The following EYA4 variants were observed in gnomAD, a reference collection of about 807,000 sequenced individuals.
The protein encoded by EYA4 is protein phosphatase EYA4.
In EYA4, 31 loss-of-function variants were observed where a neutral mutation model predicts 87.9. The ratio of observed to expected loss-of-function variants is 0.35; its 90% CI spans 0.27 to 0.48. The LOEUF (loss-of-function observed/expected upper bound fraction) is 0.48, where lower values mean the gene tolerates loss of function less well. Among genes scored for constraint, EYA4 ranks in the 20% least tolerant of loss-of-function variants. The pLI, the probability that EYA4 is intolerant of heterozygous loss-of-function variation, is 0.99. For missense variants in EYA4, 678 were observed against 761.4 expected, an observed-to-expected ratio of 0.89 and a Z score of 1.29; for synonymous variants, 263 against 270.6, an observed-to-expected ratio of 0.97 and a Z score of 0.28.
chr6:133,331,032 T>TTC (rs1562297250), intron 2 of EYA4, among the ~76,000 whole-genome samples: 3 of 150,318 alleles, frequency 2.0e-5, no homozygotes. Flanking sequence ...AACGGGTTTT[T>TTC]TTTTTTTTTT....
rs375070311 is a variant in EYA4 at position 133,485,404 on chromosome 6, C to G, written c.1191+2289C>G. ...GATGCGCCAGGCAGGAAGCATCCCA[C>G]AGGATGAAGGGGTAGGCTGTTCTCT... On this transcript the variant is annotated intron_variant, in intron 13 of 19. Transcript: ENST00000355286. 5.9e-5 allele frequency among the ~76,000 whole-genome samples: 9 copies of G among 152,202 alleles called. No homozygotes were observed. In the East Asian group the frequency reaches 7.8e-4, roughly 13 times the overall value.
intron 2 of EYA4, among the ~76,000 whole-genome samples, chr6:133,351,014 G>A (rs1480798673): frequency 6.6e-6 from 1 of 152,098 alleles, no homozygotes; most frequent in Non-Finnish European, 1.5e-5. Flanking sequence ...TGCATGACAA[G>A]TAACATTTTA....
chr6:133,482,505 A>G (rs1035360928), intron 12 of EYA4, among the ~76,000 whole-genome samples: 4 of 152,318 alleles, frequency 2.6e-5, no homozygotes, highest in South Asian at 2.1e-4. Context: ...TTTGTGGGCA[A>G]TTGCCTAGTT....
At chr6:133,461,794 GA>G (rs1308361600) in intron 7 of EYA4, among the ~76,000 whole-genome samples, 1 of 144,236 alleles carries the variant, frequency 6.9e-6, no homozygotes, top group African/African-American at 2.5e-5. Context: ...GTGGCATGAT[GA>G]AAGGAATGAT....
At chr6:133,390,502 G>A (rs1308274173) in intron 3 of EYA4, among the ~76,000 whole-genome samples, 2 of 152,154 alleles carry the variant, frequency 1.3e-5, no homozygotes, top group South Asian at 2.1e-4. Context: ...GATTACAGGC[G>A]TGAGCCACTG....
intron 2 of EYA4, among the ~76,000 whole-genome samples, chr6:133,285,779 C>A (rs1778009078): frequency 6.6e-6 from 1 of 152,042 alleles, no homozygotes; most frequent in Admixed American, 6.5e-5. Context: ...AGATGACTTG[C>A]TAATGTATGG....
intron 2 of EYA4, among the ~76,000 whole-genome samples, chr6:133,328,296 T>A (rs767050068): frequency 1.3e-5 from 2 of 152,144 alleles, no homozygotes; most frequent in Non-Finnish European, 2.9e-5. Flanking sequence ...TTGTTATTAT[T>A]TGGAGTCACA....
intron 2 of EYA4, among the ~76,000 whole-genome samples, chr6:133,353,333 T>C (rs1394805330): frequency 6.6e-6 from 1 of 152,128 alleles, no homozygotes; most frequent in Non-Finnish European, 1.5e-5. Context: ...AAAATGATGG[T>C]TCGTTAGTTC....
At chr6:133,316,995 T>C (rs749209658) in intron 2 of EYA4, among the ~76,000 whole-genome samples, 8 of 152,146 alleles carry the variant, frequency 5.3e-5, no homozygotes, top group Non-Finnish European at 8.8e-5. Context: ...TTTGGACCAT[T>C]GAGGCCTCAT....
chr6:133,337,366 T>C (rs751071781), intron 2 of EYA4, among the ~76,000 whole-genome samples: 3 of 152,170 alleles, frequency 2.0e-5, no homozygotes, highest in Non-Finnish European at 4.4e-5. Context: ...ATGACTGGAC[T>C]TCATATTATA....
At chr6:133,519,962 C>G (rs1467400889) in intron 17 of EYA4, among the ~76,000 whole-genome samples, 1 of 151,992 alleles carries the variant, frequency 6.6e-6, no homozygotes, top group East Asian at 1.9e-4. Flanking sequence ...ATGCTAAAAA[C>G]TCTCAATTGA....
At chr6:133,490,393 C>CAAAA (rs58462211) in intron 13 of EYA4, among the ~76,000 whole-genome samples, 7 of 145,768 alleles carry the variant, frequency 4.8e-5, no homozygotes, top group East Asian at 4.1e-4. Flanking sequence ...TAAAAAAAAA[C>CAAAA]AAAAAAAAAC....
chr6:133,494,607 G>A (rs1005793239), intron 13 of EYA4, among the ~76,000 whole-genome samples: 15 of 151,360 alleles, frequency 9.9e-5, no homozygotes, highest in Admixed American at 4.6e-4. Context: ...GGGAGGTGAC[G>A]CAGGAGAATC....
At chr6:133,518,794 A>G (rs1299881933) in intron 17 of EYA4, among the ~76,000 whole-genome samples, 2 of 152,110 alleles carry the variant, frequency 1.3e-5, no homozygotes, top group African/African-American at 4.8e-5. Context: ...ATAACAGACT[A>G]TCTCTCAGAC....
intron 2 of EYA4, among the ~76,000 whole-genome samples, chr6:133,289,590 C>T (rs1232136049): frequency 6.6e-6 from 1 of 152,182 alleles, no homozygotes; most frequent in Non-Finnish European, 1.5e-5. Context: ...GAATATGCCT[C>T]TCGTTATCTT....
chr6:133,441,130 ATTAC>A (rs1205281013), intron 3 of EYA4, among the ~76,000 whole-genome samples: 4 of 151,992 alleles, frequency 2.6e-5, no homozygotes, highest in Non-Finnish European at 5.9e-5. Flanking sequence ...TTTTGATAAT[ATTAC>A]ACAGGTTACT....
Position 133,367,887 on chromosome 6 carries a change from A to G in EYA4, c.34-14505A>G, listed in dbSNP as rs742299. 3.3e-3 allele frequency among the ~76,000 whole-genome samples: 503 copies of G among 152,252 alleles called. 3 individuals are homozygous for G. The highest frequency in any genetic ancestry group is 0.011 in the African/African-American group (471 of 41,550). Reference sequence around the variant, plus strand: ...ACCGTTATTGTTAAATAAAATATATATGGAAGATGGAGTCTTTCAGAATGT... The same window carrying G: ...ACCGTTATTGTTAAATAAAATATATGTGGAAGATGGAGTCTTTCAGAATGT... On this transcript the variant is annotated intron_variant, in intron 2 of 19. Coordinates refer to ENST00000355286, the MANE Select transcript of EYA4 (RefSeq NM_004100.5).
At chr6:133,336,599 G>A (rs924635473) in intron 2 of EYA4, among the ~76,000 whole-genome samples, 1 of 152,146 alleles carries the variant, frequency 6.6e-6, no homozygotes, top group Non-Finnish European at 1.5e-5. Flanking sequence ...ACAAACAATT[G>A]TATTTTGGTT....
chr6:133,255,009 A>G (rs937710021), intron 1 of EYA4, among the ~76,000 whole-genome samples: 9 of 152,198 alleles, frequency 5.9e-5, no homozygotes, highest in African/African-American at 2.2e-4. Context: ...GACTTTGGTC[A>G]TGTAATTTTC....
Sources: allele counts gnomAD v4.1 joint callset (sites outside exome capture counted in the v4.1 genomes callset), GRCh38; gene constraint gnomAD v4.1.1; transcripts MANE v1.5; gene names NCBI Gene and HGNC (gene_info 2026-07-23, HGNC 2026-07-21).